Variants in AKAP13 observed in about 807,000 individuals in gnomAD.
AKAP13 encodes A-kinase anchor protein 13.
Under a neutral mutation model 264.5 loss-of-function variants are expected in AKAP13, and 80 were observed. That is an observed-to-expected ratio of 0.30 (90% CI 0.25 to 0.36). The LOEUF is 0.36. Among genes scored for constraint, AKAP13 ranks in the 10% least tolerant of loss-of-function variants. The pLI, the probability that AKAP13 is intolerant of heterozygous loss-of-function variation, is 1.00. For missense variants in AKAP13, 3,712 were observed against 3,435.2 expected (o/e 1.08, Z -2.01); for synonymous variants, 1,380 against 1,250.2 (o/e 1.10, Z -2.19).
rs117267314 is a variant in AKAP13 at position 85,654,845 on chromosome 15, A to G, written c.4375-572A>G. On this transcript the variant is annotated intron_variant, in intron 10 of 36. Coordinates refer to ENST00000394518, the MANE Select transcript of AKAP13 (RefSeq NM_007200.5). ...TCTCAAATTGGAAAAAAAAGAAAAG[A>G]AAGAAAAAATGATGTACTTCTAGTG... Among the ~76,000 whole-genome samples, 702 of 151,754 alleles carry G rather than the reference A, an allele frequency of 4.6e-3. 4 individuals are homozygous for G. The highest frequency in any genetic ancestry group is 7.7e-3 in the Non-Finnish European group (522 of 67,920).
chr15:85,531,584 A>G (rs2077243357), intron 3 of AKAP13, among the ~76,000 whole-genome samples: 1 of 152,216 alleles, frequency 6.6e-6, no homozygotes, highest in African/African-American at 2.4e-5. Context: ...GCTGCCCTTC[A>G]AAGAAATATT....
chr15:85,730,556 A>G lies in AKAP13; in HGVS notation c.7131A>G (p.Glu2377=). The G allele has an allele frequency of 6.2e-7, 1 of 1,614,188 alleles. No individual in the cohort carries two copies. The highest frequency in any genetic ancestry group is 8.5e-7 in the Non-Finnish European group (1 of 1,180,012). The change falls in exon 30 of 37, where the codon GAA becomes GAG. Residue 2377 remains glutamate (E), a synonymous_variant. Coordinates refer to ENST00000394518, the MANE Select transcript of AKAP13 (RefSeq NM_007200.5). ...ACCAAAAAATCCTACTCTTGTTGGAAGAGAAGGAGATGATTTTCCGGGACA... is the reference window on the plus strand; with the variant it reads ...ACCAAAAAATCCTACTCTTGTTGGAGGAGAAGGAGATGATTTTCCGGGACA... ...QKDQKILLLL[E]EKEMIFRDMA...
At chr15:85,625,935 TG>T (rs1199172726) in intron 8 of AKAP13, among the ~76,000 whole-genome samples, 1 of 152,178 alleles carries the variant, frequency 6.6e-6, no homozygotes, top group Non-Finnish European at 1.5e-5. Context: ...AGGGGGGAGA[TG>T]TTTTGTAATC....
chr15:85,406,480 G>A (rs1366158968), intron 1 of AKAP13, among the ~76,000 whole-genome samples: 1 of 142,412 alleles, frequency 7.0e-6, no homozygotes, highest in African/African-American at 2.7e-5. Context: ...ATACCATATT[G>A]CTCGTTGCTG....
intron 5 of AKAP13, among the ~76,000 whole-genome samples, chr15:85,561,381 G>A (rs1224387775): frequency 6.6e-6 from 1 of 152,116 alleles, no homozygotes; most frequent in African/African-American, 2.4e-5. Context: ...ATTTTTAAAA[G>A]CTCTCCAGGC....
At chr15:85,617,983 C>A (rs531516083) in intron 8 of AKAP13, among the ~76,000 whole-genome samples, 1 of 152,160 alleles carries the variant, frequency 6.6e-6, no homozygotes, top group African/African-American at 2.4e-5. Flanking sequence ...TGTTTCACTG[C>A]ACATGTTGGT....
chr15:85,396,043 CAT>C (rs1491406809), intron 1 of AKAP13, among the ~76,000 whole-genome samples: 92 of 146,332 alleles, frequency 6.3e-4, no homozygotes, highest in African/African-American at 1.6e-3. Context: ...CACACACACA[CAT>C]ACATATGCAC....
chr15:85,511,149 T>C lies in AKAP13; in HGVS notation c.34-10279T>C, dbSNP rs545918020. 5.2e-5 allele frequency among the ~76,000 whole-genome samples: 8 copies of C among 152,386 alleles called. No homozygotes were observed. In the South Asian group the frequency reaches 1.4e-3, roughly 28 times the overall value. The stretch of plus-strand genomic sequence containing the variant: ...TTTAAAAAGTCATTCCTTTTAATGC[T>C]GCAAGACTTTTATATCCTTGCCTCT... On this transcript the variant is annotated intron_variant, in intron 2 of 36. Transcript: ENST00000394518.
intron 7 of AKAP13, among the ~76,000 whole-genome samples, chr15:85,585,186 T>C (rs117367707): frequency 1.3e-5 from 2 of 152,344 alleles, no homozygotes; most frequent in Non-Finnish European, 2.9e-5. Flanking sequence ...GAGTAGTTCA[T>C]TCTTACTGGT....
intron 2 of AKAP13, among the ~76,000 whole-genome samples, chr15:85,514,246 C>T (rs2076535184): frequency 7.3e-6 from 1 of 137,596 alleles, no homozygotes; most frequent in Non-Finnish European, 1.5e-5. Flanking sequence ...ATAGGAACTC[C>T]CTTCTCTGCT....
intron 5 of AKAP13, among the ~76,000 whole-genome samples, chr15:85,572,431 A>G (rs1461239169): frequency 6.6e-6 from 1 of 152,168 alleles, no homozygotes; most frequent in Admixed American, 6.5e-5. Flanking sequence ...TGTCGAGAGT[A>G]TTTTACAAGT....
chr15:85,725,226 A>G lies in AKAP13; in HGVS notation c.6746-1184A>G, dbSNP rs117164988. ...CCTGTAGAGATAGGAGTTGGTGTTT[A>G]GTCATTTTCACCCCCAAGTGAATTC... On this transcript the variant is annotated intron_variant, in intron 26 of 36. Transcript: ENST00000394518. Among the ~76,000 whole-genome samples, 910 of 152,260 alleles carry G rather than the reference A, an allele frequency of 6.0e-3. 5 individuals are homozygous for G. The highest frequency in any genetic ancestry group is 9.0e-3 in the Non-Finnish European group (614 of 68,028).
intron 4 of AKAP13, among the ~76,000 whole-genome samples, chr15:85,541,767 A>G (rs936304237): frequency 2.0e-5 from 3 of 152,238 alleles, no homozygotes; most frequent in Non-Finnish European, 4.4e-5. Context: ...TGCCTAGCCC[A>G]GTGCATGGTG....
intron 9 of AKAP13, among the ~76,000 whole-genome samples, chr15:85,639,664 T>A (rs2082215536): frequency 2.0e-5 from 3 of 152,216 alleles, no homozygotes; most frequent in African/African-American, 7.2e-5. Context: ...ATAGGTGGCT[T>A]TATGATTCAT....
intron 2 of AKAP13, among the ~76,000 whole-genome samples, chr15:85,494,510 C>A (rs1252335998): frequency 6.6e-6 from 1 of 152,194 alleles, no homozygotes; most frequent in Non-Finnish European, 1.5e-5. Flanking sequence ...GTCCTCTCAT[C>A]ATTTTACTAC....
intron 1 of AKAP13, among the ~76,000 whole-genome samples, chr15:85,445,985 C>A (rs982547562): frequency 1.3e-5 from 2 of 152,158 alleles, no homozygotes; most frequent in African/African-American, 4.8e-5. Flanking sequence ...AAATCCCCCC[C>A]TTTGTTTAAA....
intron 5 of AKAP13, among the ~76,000 whole-genome samples, chr15:85,549,958 C>A (rs1036302526): frequency 1.3e-5 from 2 of 152,056 alleles, no homozygotes; most frequent in Non-Finnish European, 2.9e-5. Flanking sequence ...TTGCTGTCAC[C>A]CAGGCTGGAG....
At chr15:85,523,199 C>T (rs902273287) in intron 3 of AKAP13, among the ~76,000 whole-genome samples, 6 of 152,062 alleles carry the variant, frequency 3.9e-5, no homozygotes, top group East Asian at 3.9e-4. Context: ...GATTCCTGAC[C>T]GGACCCTATT....
intron 10 of AKAP13, 53 bp from the exon 11 acceptor site, chr15:85,655,364 C>G (rs1567177583): frequency 1.3e-6 from 2 of 1,567,052 alleles, no homozygotes; most frequent in African/African-American, 2.7e-5. Context: ...ATAACTGAGG[C>G]TATCTGATTG....
Sources: gnomAD v4.1 joint callset for allele counts (sites outside exome capture counted in the v4.1 genomes callset) on GRCh38, gnomAD v4.1.1 for gene constraint, MANE v1.5 for transcripts, NCBI Gene and HGNC (gene_info 2026-07-23, HGNC 2026-07-21) for gene names.